Variants in SIDT1 observed in about 807,000 individuals in gnomAD.
The protein encoded by SIDT1 is SID1 transmembrane family member 1, also known as SID1 transmembrane family, member 1.
Under a neutral mutation model 107.5 loss-of-function variants are expected in SIDT1, and 101 were observed. The observed-to-expected ratio is 0.94, with a 90% CI of 0.80 to 1.11. The LOEUF is 1.11. SIDT1 is among the 50% of genes least tolerant of loss of function. The probability of loss-of-function intolerance (pLI) is 0.00; values close to 1 mark genes in which losing one functional copy is unlikely to be tolerated. For synonymous variants in SIDT1, 395 were observed against 398.2 expected, an observed-to-expected ratio of 0.99 and a Z score of 0.10; for missense variants, 1,076 against 1,058.2, an observed-to-expected ratio of 1.02 and a Z score of -0.23.
chr3:113,550,132 G>T (rs754591369), intron 1 of SIDT1, among the ~76,000 whole-genome samples: 8 of 152,242 alleles, frequency 5.3e-5, no homozygotes, highest in Middle Eastern at 3.4e-3. Flanking sequence ...CACTTCTGCT[G>T]CCAGCATTGC....
chr3:113,585,130 C>G (rs758048177), intron 8 of SIDT1, 47 bp from the exon 9 acceptor site: 1 of 1,349,884 alleles, frequency 7.4e-7, no homozygotes, highest in Admixed American at 1.7e-5. Flanking sequence ...ATGGAGTCTT[C>G]TTTTCTGCAG....
chr3:113,567,041 T>G (rs1421878322), intron 2 of SIDT1, among the ~76,000 whole-genome samples: 1 of 152,188 alleles, frequency 6.6e-6, no homozygotes, highest in Admixed American at 6.5e-5. Flanking sequence ...AAGATACTAC[T>G]GCACTAATAA....
rs777041236 is a variant in SIDT1 at position 113,603,129 on chromosome 3, T to C, written c.1242T>C (p.Asp414=). 11 of 1,613,684 alleles carry C rather than the reference T, an allele frequency of 6.8e-6. No individual in the cohort carries two copies. Among genetic ancestry groups the C allele is most frequent in the African/African-American group, 5.3e-5 (4 of 74,896 alleles). ...ACACCATGCCAGACATTGAGAGTGA[T>C]AAAAACATCATCCGGACCAAGGTAC... ...DFDTMPDIES[D]KNIIRTKMFL... is the part of the protein sequence containing the mutation. Residue 414 remains aspartate, a synonymous_variant, in exon 12 of 25, where the codon GAT becomes GAC. Coordinates refer to ENST00000264852, the MANE Select transcript of SIDT1 (RefSeq NM_017699.3).
At chr3:113,589,753 T>G (rs1576872996) in intron 9 of SIDT1, 1 of 152,638 alleles carries the variant, frequency 6.6e-6, no homozygotes, top group East Asian at 1.9e-4. Context: ...AGACTGGTCT[T>G]GAATTCCTGA....
intron 1 of SIDT1, among the ~76,000 whole-genome samples, chr3:113,554,350 G>C (rs1940605013): frequency 6.6e-6 from 1 of 152,176 alleles, no homozygotes; most frequent in Admixed American, 6.5e-5. Flanking sequence ...TGGTTGGGCT[G>C]TGTCTCCATC....
intron 10 of SIDT1, among the ~76,000 whole-genome samples, chr3:113,598,112 C>T (rs550848656): frequency 6.6e-6 from 1 of 152,298 alleles, no homozygotes; most frequent in African/African-American, 2.4e-5. Flanking sequence ...ACATGAAAAT[C>T]TTGGTGCTCT....
rs151139916 is a variant in SIDT1, at chr3:113,614,289, T to G, written c.1967-1811T>G. 7.2e-5 allele frequency among the ~76,000 whole-genome samples: 11 copies of G among 152,304 alleles called. No homozygotes were observed. The East Asian group carries it at 1.9e-3, about 27-fold the overall frequency. ...AGGAAAGTCAGGGAATCCACTGATATCATCCACACAGGCCCGCCTCCCCAG... is the reference window on the plus strand; with the variant it reads ...AGGAAAGTCAGGGAATCCACTGATAGCATCCACACAGGCCCGCCTCCCCAG... On this transcript the variant is annotated intron_variant, in intron 19 of 24. Coordinates refer to ENST00000264852, the MANE Select transcript of SIDT1 (RefSeq NM_017699.3).
At chr3:113,551,909 G>A (rs1019164447) in intron 1 of SIDT1, among the ~76,000 whole-genome samples, 3 of 151,942 alleles carry the variant, frequency 2.0e-5, no homozygotes, top group Non-Finnish European at 2.9e-5. Flanking sequence ...GTCAGGAACA[G>A]GGCATCTTGG....
chr3:113,631,081 G>C (rs13081931), downstream of SIDT1, among the ~76,000 whole-genome samples: 57,085 of 151,776 alleles, frequency 0.38, 10,756 homozygotes, highest in African/African-American at 0.45. Flanking sequence ...TATTCCAACT[G>C]AGATGAAAAA....
intron 17 of SIDT1, among the ~76,000 whole-genome samples, chr3:113,609,058 CTTTTTTTT>C (rs11453487): frequency 0.011 from 984 of 86,726 alleles, 12 homozygotes; most frequent in African/African-American, 0.039. Context: ...TGAGCCCATT[CTTTTTTTT>C]TTTTTTTTTT....
At chr3:113,623,281 T>A (rs1456667566) in intron 21 of SIDT1, 146 bp from the exon 22 acceptor site, 29 of 442,614 alleles carry the variant, frequency 6.6e-5, no homozygotes, top group African/African-American at 5.3e-4. Flanking sequence ...GGTAAGAGTT[T>A]AAAAAAAAAT....
Position 113,619,741 on chromosome 3 carries a change from GA to G in SIDT1, c.2090+19del. ...AACTGGTCCTTGTAAGTAGTCTTAT[GA>G]AAACATGTTTTTGCCTTTATTAATG... On this transcript the variant is annotated intron_variant, in intron 21 of 24. Transcript: ENST00000264852. 1 of 1,612,884 alleles carries G rather than the reference GA, an allele frequency of 6.2e-7. No homozygotes were observed. The highest frequency in any genetic ancestry group is 8.5e-7 in the Non-Finnish European group (1 of 1,178,968).
chr3:113,619,110 C>T (rs777977193), intron 20 of SIDT1, among the ~76,000 whole-genome samples: 3 of 152,224 alleles, frequency 2.0e-5, no homozygotes, highest in South Asian at 4.1e-4. Flanking sequence ...TAGGCGTGAG[C>T]CACCACACCC....
At chr3:113,570,964 A>T (rs189195493) in intron 3 of SIDT1, among the ~76,000 whole-genome samples, 60 of 152,354 alleles carry the variant, frequency 3.9e-4, no homozygotes, top group Middle Eastern at 3.4e-3. Flanking sequence ...TCAAATTCAC[A>T]CAGCTAGGAA....
At chr3:113,616,267 T>C (rs17260211) in intron 20 of SIDT1, 91 bp downstream of exon 20, 23,986 of 1,003,082 alleles carry the variant, frequency 0.024, 386 homozygotes, top group Middle Eastern at 0.031. Context: ...TCACGGCTCC[T>C]AAAATCAAGA....
chr3:113,563,490 C>A (rs1941623250), intron 1 of SIDT1, among the ~76,000 whole-genome samples: 1 of 152,162 alleles, frequency 6.6e-6, no homozygotes, highest in South Asian at 2.1e-4. Context: ...TCTAATGAAG[C>A]CTCTAGATCT....
chr3:113,608,016 A>T, intron 15 of SIDT1, 78 bp from the exon 16 acceptor site: 29 of 1,365,030 alleles, frequency 2.1e-5, no homozygotes, highest in Non-Finnish European at 2.6e-5. Context: ...GAATTCATTC[A>T]TTCCTTCATG....
intron 1 of SIDT1, among the ~76,000 whole-genome samples, chr3:113,536,092 C>A (rs1301570271): frequency 3.3e-5 from 5 of 152,156 alleles, no homozygotes; most frequent in Non-Finnish European, 7.3e-5. Flanking sequence ...ACTGTTCCGA[C>A]AATTTACCAC....
chr3:113,555,858 T>A (rs1940799174), intron 1 of SIDT1, among the ~76,000 whole-genome samples: 2 of 151,566 alleles, frequency 1.3e-5, no homozygotes. Context: ...TCTTTTTTTT[T>A]TTTTTTTTTG....
Sources: allele counts gnomAD v4.1 joint callset (sites outside exome capture counted in the v4.1 genomes callset), GRCh38; gene constraint gnomAD v4.1.1; transcripts MANE v1.5; gene names NCBI Gene and HGNC (gene_info 2026-07-23, HGNC 2026-07-21).